TPD52L1: variants seen among roughly 807,000 people sequenced by gnomAD.
TPD52L1 encodes TPD52 like 1, also known as tumor protein D53.
A neutral mutation model predicts 28.7 loss-of-function variants in TPD52L1; 18 were observed. The ratio of observed to expected loss-of-function variants is 0.63; its 90% CI spans 0.43 to 0.93. The LOEUF is 0.93. Among genes scored for constraint, TPD52L1 ranks in the 40% least tolerant of loss-of-function variants. The pLI, the probability that TPD52L1 is intolerant of heterozygous loss-of-function variation, is 0.00. For synonymous variants in TPD52L1, 75 were observed against 88.8 expected, an observed-to-expected ratio of 0.84 and a Z score of 0.88; for missense variants, 203 against 254.8, an observed-to-expected ratio of 0.80 and a Z score of 1.39.
chr6:125,175,408 T>A (rs2114800644), intron 1 of TPD52L1, among the ~76,000 whole-genome samples: 1 of 152,208 alleles, frequency 6.6e-6, no homozygotes, highest in East Asian at 1.9e-4. Context: ...AATGCTAGGG[T>A]GATAGAATTT....
chr6:125,252,745 C>G (rs1338322651), intron 4 of TPD52L1: 1 of 152,062 alleles, frequency 6.6e-6, no homozygotes, highest in Non-Finnish European at 1.5e-5. Context: ...AAATATCTGC[C>G]TAATAGTTTC....
chr6:125,208,830 G>A, intron 1 of TPD52L1: 1 of 773,256 alleles, frequency 1.3e-6, no homozygotes, highest in Non-Finnish European at 1.6e-6. Flanking sequence ...AGTGCTGTGT[G>A]GTGACAGCAC....
intron 3 of TPD52L1, among the ~76,000 whole-genome samples, chr6:125,236,508 A>G (rs1796267321): frequency 6.6e-6 from 1 of 152,212 alleles, no homozygotes; most frequent in African/African-American, 2.4e-5. Context: ...TTAAAAAATC[A>G]TATCTTAGTT....
chr6:125,260,975 AGAAAAG>A (rs1583036033), intron 6 of TPD52L1: 1 of 44,464 alleles, frequency 2.2e-5, no homozygotes, highest in East Asian at 6.2e-4. Flanking sequence ...AAAGAAAGAA[AGAAAAG>A]AAAAGAAAGA....
intron 1 of TPD52L1, among the ~76,000 whole-genome samples, chr6:125,181,040 A>G (rs1792161995): frequency 1.3e-5 from 2 of 152,190 alleles, no homozygotes; most frequent in Non-Finnish European, 2.9e-5. Context: ...CATTCTTAGA[A>G]GTTGGGTTCG....
At chr6:125,247,586 G>A (rs1415084507) in intron 3 of TPD52L1, among the ~76,000 whole-genome samples, 3 of 152,026 alleles carry the variant, frequency 2.0e-5, no homozygotes, top group Non-Finnish European at 2.9e-5. Flanking sequence ...TCACCCACTC[G>A]TTCATCTACT....
chr6:125,237,775 C>T (rs1343431461), intron 3 of TPD52L1, among the ~76,000 whole-genome samples: 1 of 152,144 alleles, frequency 6.6e-6, no homozygotes, highest in African/African-American at 2.4e-5. Flanking sequence ...TCCCGAGTTG[C>T]TGGGATCACA....
chr6:125,199,148 T>C (rs1024716141), intron 1 of TPD52L1, among the ~76,000 whole-genome samples: 31 of 152,230 alleles, frequency 2.0e-4, no homozygotes, highest in African/African-American at 7.5e-4. Context: ...CAAGAGAAAG[T>C]AAAAGGTTTT....
intron 2 of TPD52L1, among the ~76,000 whole-genome samples, chr6:125,226,496 G>T (rs937439345): frequency 2.0e-5 from 3 of 151,916 alleles, no homozygotes; most frequent in African/African-American, 7.3e-5. Context: ...ATAATCCACA[G>T]CCCCTCGTGG....
rs1491140448 is a variant in TPD52L1, at chr6:125,260,938, AAG to A, written c.487-1894_487-1893del. 83 of 7,950 alleles carry A rather than the reference AAG, an allele frequency of 0.01. 3 individuals are homozygous for A. The African/African-American group carries it at 0.12, about 12-fold the overall frequency. The allele number at this position is 7,950 out of a possible 1,614,324, so 0.5% of individuals were successfully genotyped here. On this transcript the variant is annotated intron_variant, in intron 6 of 6. Coordinates refer to ENST00000534000, the MANE Select transcript of TPD52L1 (RefSeq NM_003287.4). ...GAAAGAAAGAAGAAAGAAAGAAAGA[AAG>A]AAAGAAAGAAAGAAAGAAAGAAAGA...
intron 2 of TPD52L1, among the ~76,000 whole-genome samples, chr6:125,221,140 T>C (rs1360544209): frequency 6.6e-6 from 1 of 152,194 alleles, no homozygotes; most frequent in African/African-American, 2.4e-5. Flanking sequence ...AGAATAATAT[T>C]AAAGATTTTC....
At chr6:125,161,765 A>G in intron 1 of TPD52L1, among the ~76,000 whole-genome samples, 1 of 152,172 alleles carries the variant, frequency 6.6e-6, no homozygotes, top group East Asian at 1.9e-4. Flanking sequence ...AACATCAAAG[A>G]TCACCAATCA....
chr6:125,197,561 C>G (rs911733643), intron 1 of TPD52L1, among the ~76,000 whole-genome samples: 2 of 152,036 alleles, frequency 1.3e-5, no homozygotes, highest in African/African-American at 4.8e-5. Context: ...AGAACAGACT[C>G]TTTTGAAAAG....
intron 1 of TPD52L1, among the ~76,000 whole-genome samples, chr6:125,206,345 A>G (rs992945636): frequency 2.0e-5 from 3 of 152,150 alleles, no homozygotes; most frequent in African/African-American, 7.2e-5. Context: ...TATACTGTAT[A>G]TAGTATATAG....
intron 1 of TPD52L1, among the ~76,000 whole-genome samples, chr6:125,172,183 T>G: frequency 7.4e-6 from 1 of 136,020 alleles, no homozygotes; most frequent in East Asian, 2.2e-4. Context: ...CTTTCTTTCT[T>G]TCTTTCTTTC....
chr6:125,171,677 G>A (rs1432554920), intron 1 of TPD52L1, among the ~76,000 whole-genome samples: 1 of 152,108 alleles, frequency 6.6e-6, no homozygotes, highest in African/African-American at 2.4e-5. Flanking sequence ...CCAACAGTCT[G>A]CATGAGCCTT....
chr6:125,177,177 A>T (rs940033429), intron 1 of TPD52L1, among the ~76,000 whole-genome samples: 7 of 152,208 alleles, frequency 4.6e-5, no homozygotes, highest in African/African-American at 7.2e-5. Flanking sequence ...ATCAGACTTG[A>T]TGGCTAGCTC....
chr6:125,255,642 A>G (rs1161194717), intron 5 of TPD52L1, among the ~76,000 whole-genome samples: 1 of 152,196 alleles, frequency 6.6e-6, no homozygotes, highest in Admixed American at 6.5e-5. Flanking sequence ...TTAGTAGTAT[A>G]AAAGTGATAC....
At chr6:125,210,603 C>CG (rs1794432296) in intron 1 of TPD52L1, among the ~76,000 whole-genome samples, 1 of 151,770 alleles carries the variant, frequency 6.6e-6, no homozygotes, top group African/African-American at 2.4e-5. Flanking sequence ...GGTATATATG[C>CG]GGGTGGCACC....
Sources: gnomAD v4.1 joint callset for allele counts (sites outside exome capture counted in the v4.1 genomes callset) on GRCh38, gnomAD v4.1.1 for gene constraint, MANE v1.5 for transcripts, NCBI Gene and HGNC (gene_info 2026-07-23, HGNC 2026-07-21) for gene names.